Variants in PROSER1 observed in about 807,000 individuals in gnomAD.
The protein encoded by PROSER1 is proline and serine-rich protein 1.
Under a neutral mutation model 71.8 loss-of-function variants are expected in PROSER1, and 36 were observed. That is an observed-to-expected ratio of 0.50 (90% CI 0.38 to 0.66). PROSER1 has a LOEUF of 0.66. Among genes scored for constraint, PROSER1 ranks in the 30% least tolerant of loss-of-function variants. The probability of loss-of-function intolerance (pLI) is 0.00; values close to 1 mark genes in which losing one functional copy is unlikely to be tolerated. For synonymous variants in PROSER1, 490 were observed against 452.4 expected (o/e 1.08, Z -1.06); for missense variants, 1,107 against 1,135.0 (o/e 0.98, Z 0.35).
chr13:39,032,711 A>G (rs1313276620), intron 2 of PROSER1, among the ~76,000 whole-genome samples: 1 of 152,148 alleles, frequency 6.6e-6, no homozygotes, highest in African/African-American at 2.4e-5. Context: ...AATAAATGCT[A>G]TATTTTAACC....
chr13:39,030,872 G>A (rs904049908), intron 3 of PROSER1, among the ~76,000 whole-genome samples: 14 of 152,028 alleles, frequency 9.2e-5, no homozygotes, highest in Admixed American at 6.6e-4. Flanking sequence ...CAGTAAAAAA[G>A]CAAGTATTAA....
chr13:39,013,173 T>C lies in PROSER1; in HGVS notation c.2079A>G (p.Val693=), dbSNP rs148353981. Residue 693 remains valine (V), a synonymous_variant, in exon 11 of 13, where the codon GTA becomes GTG. Transcript: ENST00000352251. The part of the protein sequence containing the change: ...PHGSSTPIAP[V]FTALPSFTSL... ...AAGTAAAAGAAGGAAGAGCAGTGAA[T>C]ACTGGTGCAATGGGAGTGGAGGAAC... 2.4e-5 allele frequency: 39 copies of C among 1,613,846 alleles called. No homozygotes were observed. Among genetic ancestry groups the C allele is most frequent in the Middle Eastern group, 1.6e-4 (1 of 6,084 alleles).
Position 39,014,035 on chromosome 13 carries a change from A to G in PROSER1, c.1217T>C (p.Leu406Pro), listed in dbSNP as rs779495468. 8 of 1,614,130 alleles carry G rather than the reference A, an allele frequency of 5.0e-6. No individual in the cohort carries two copies. The East Asian group carries it at 1.8e-4, about 36-fold the overall frequency. Residue 406 changes from leucine (L) to proline (P), a missense_variant, in exon 11 of 13, where the codon CTC (leucine) becomes CCC (proline). Leu to Pro is a moderately conservative substitution (Grantham distance 98). Transcript: ENST00000352251. ...AGCAGAAGAGCTGGTGGAAAAGGGG[A>G]GGCTAGTGAAAGGTGCAGAAGTAGA... Reference protein sequence around the residue: ...FASTSAPFTSLPFSTSSSAAS... With the variant: ...FASTSAPFTSPPFSTSSSAAS...
At chr13:39,027,803 T>A (rs1482367770) in intron 5 of PROSER1, among the ~76,000 whole-genome samples, 1 of 152,240 alleles carries the variant, frequency 6.6e-6, no homozygotes, top group Non-Finnish European at 1.5e-5. Context: ...CTTACAGATT[T>A]TTAACTAATA....
At chr13:39,030,232 T>A (rs1870772365) in intron 3 of PROSER1, among the ~76,000 whole-genome samples, 1 of 152,218 alleles carries the variant, frequency 6.6e-6, no homozygotes, top group Non-Finnish European at 1.5e-5. Context: ...TTTTCTTAAA[T>A]ACATTTATAT....
chr13:39,035,697 C>G (rs1018357677), intron 1 of PROSER1, among the ~76,000 whole-genome samples: 2 of 152,088 alleles, frequency 1.3e-5, no homozygotes, highest in Non-Finnish European at 2.9e-5. Context: ...ACAGTAGTGA[C>G]AATCAGTATT....
chr13:39,013,342 C>T lies in PROSER1; in HGVS notation c.1910G>A (p.Gly637Glu). 3 of 1,614,142 alleles carry T rather than the reference C, an allele frequency of 1.9e-6. No homozygotes were observed. Among genetic ancestry groups the T allele is most frequent in the Non-Finnish European group, 2.5e-6 (3 of 1,180,024 alleles). ...TGAAGTATATGCACGGCCCAATGTC[C>T]CTGACAAACCTAAAGTGCCATGAGA... ...NPSHGTLGLS[G>E]TLGRAYTSTS... The change falls in exon 11 of 13, where the codon GGG (glycine) becomes GAG (glutamate). Residue 637 changes from glycine to glutamate, a missense_variant. By Grantham distance (98) the Gly-to-Glu change is moderately conservative. Transcript: ENST00000352251.
Position 39,029,293 on chromosome 13 carries a change from T to TC in PROSER1, c.262dup (p.Glu88GlyfsTer9). ...AAGAAATACTTACGAGGCTAACAGT[T>TC]CAAGAGCAACTAGTTTGTCTTTACT... On this transcript the variant is annotated frameshift_variant, in exon 4 of 13. Coordinates refer to ENST00000352251, the MANE Select transcript of PROSER1 (RefSeq NM_025138.5). LOFTEE classifies it high-confidence loss of function. 1 of 1,500,620 alleles carries TC rather than the reference T, an allele frequency of 6.7e-7. No individual in the cohort carries two copies. Among genetic ancestry groups the TC allele is most frequent in the Non-Finnish European group, 8.9e-7 (1 of 1,117,850 alleles). The allele number at this position is 1,500,620 out of a possible 1,614,324, so 93.0% of individuals were successfully genotyped here. A position where few individuals can be genotyped will look rare whatever the true frequency, so the allele number is the denominator to read the frequency against.
chr13:39,034,986 G>A (rs1481104341), intron 1 of PROSER1, among the ~76,000 whole-genome samples: 1 of 152,158 alleles, frequency 6.6e-6, no homozygotes, highest in Non-Finnish European at 1.5e-5. Flanking sequence ...GCAGCTATTT[G>A]CTCAGCTTAG....
At position 39,012,840 on chromosome 13, in the gene PROSER1, G is replaced by C; in HGVS notation, c.2412C>G (p.Pro804=). Residue 804 remains proline, a synonymous_variant, in exon 11 of 13, where the codon CCC becomes CCG. Coordinates refer to ENST00000352251, the MANE Select transcript of PROSER1 (RefSeq NM_025138.5). ...SNTPSVTPAL[P]SFPGLQAPST... Reference sequence around the variant, plus strand: ...AGGGCGCCTGCAGCCCCGGGAATGAGGGAAGAGCAGGGGTAACGCTTGGGG... The same window carrying C: ...AGGGCGCCTGCAGCCCCGGGAATGACGGAAGAGCAGGGGTAACGCTTGGGG... 6.2e-7 allele frequency: 1 copy of C among 1,614,162 alleles called. No homozygotes were observed.
chr13:39,034,168 G>A lies in PROSER1; in HGVS notation c.74C>T (p.Ala25Val). The stretch of plus-strand genomic sequence containing the variant: ...AAAGTATCCATGCACATATTCAATT[G>A]CTTTTAATTTGTATTCTGTCAAAAC... The part of the protein sequence containing the change: ...KAVLTEYKLK[A>V]IEYVHGYFSS... Residue 25 changes from alanine to valine, a missense_variant, in exon 2 of 13, where the codon GCA (alanine) becomes GTA (valine). Coordinates refer to ENST00000352251, the MANE Select transcript of PROSER1 (RefSeq NM_025138.5). The A allele has an allele frequency of 6.3e-7, 1 of 1,584,664 alleles. No homozygotes were observed. Among genetic ancestry groups the A allele is most frequent in the South Asian group, 1.2e-5 (1 of 85,058 alleles).
chr13:39,037,148 A>G, intron 1 of PROSER1, 50 bp downstream of exon 1: 1 of 1,371,696 alleles, frequency 7.3e-7, no homozygotes. Flanking sequence ...AGAGAGTCTA[A>G]AACACGAGAA....
chr13:39,030,823 C>T (rs186651416), intron 3 of PROSER1, among the ~76,000 whole-genome samples: 3 of 152,064 alleles, frequency 2.0e-5, no homozygotes, highest in Non-Finnish European at 4.4e-5. Context: ...ACATTTTCAC[C>T]CCCAGAGAAC....
chr13:39,035,311 T>C (rs1871045645), intron 1 of PROSER1, among the ~76,000 whole-genome samples: 1 of 152,116 alleles, frequency 6.6e-6, no homozygotes, highest in African/African-American at 2.4e-5. Flanking sequence ...TCTCAATTCT[T>C]CCATCAATGC....
At chr13:39,032,681 G>T (rs375444692) in intron 2 of PROSER1, among the ~76,000 whole-genome samples, 1 of 151,880 alleles carries the variant, frequency 6.6e-6, no homozygotes, top group African/African-American at 2.4e-5. Context: ...ACTTTGATGG[G>T]AATAATGTTC....
intron 3 of PROSER1, among the ~76,000 whole-genome samples, chr13:39,030,280 T>C (rs1166084810): frequency 6.6e-6 from 1 of 152,240 alleles, no homozygotes; most frequent in South Asian, 2.1e-4. Flanking sequence ...TTAGCTCATT[T>C]ATGGAAATAT....
In PROSER1 at chr13:39,037,193, A is replaced by C; in HGVS notation, c.45+5T>G. The C allele has an allele frequency of 6.3e-7, 1 of 1,589,560 alleles. No individual in the cohort carries two copies. The highest frequency in any genetic ancestry group is 2.2e-5 in the East Asian group (1 of 44,772). Reference sequence around the variant, plus strand: ...TAAAATAATTCATGGAATCGGTCTAATTACCTTTCTAATTTCATCCAGCAC... The same window carrying C: ...TAAAATAATTCATGGAATCGGTCTACTTACCTTTCTAATTTCATCCAGCAC... On this transcript the variant is annotated splice_donor_5th_base_variant and intron_variant, in intron 1 of 12. Coordinates refer to ENST00000352251, the MANE Select transcript of PROSER1 (RefSeq NM_025138.5).
chr13:39,024,383 G>C, intron 7 of PROSER1, 90 bp downstream of exon 7: 2 of 905,212 alleles, frequency 2.2e-6, no homozygotes, highest in South Asian at 3.1e-5. Context: ...TTCAAACTTT[G>C]CAACACAAAA....
Position 39,033,971 on chromosome 13 carries a change from T to A in PROSER1, c.111+160A>T, listed in dbSNP as rs141712554. ...GGAGAGGTGCTTAGTCCCTGAATTA[T>A]AAATTCTGTAGAGTTTTCTGCCAAA... On this transcript the variant is annotated intron_variant, in intron 2 of 12. Coordinates refer to ENST00000352251, the MANE Select transcript of PROSER1 (RefSeq NM_025138.5). Among the ~76,000 whole-genome samples the A allele has an allele frequency of 3.7e-3, 570 of 152,292 alleles. 4 individuals are homozygous for A. The highest frequency in any genetic ancestry group is 0.013 in the African/African-American group (559 of 41,564).
Sources: allele counts gnomAD v4.1 joint callset (sites outside exome capture counted in the v4.1 genomes callset), GRCh38; gene constraint gnomAD v4.1.1; transcripts MANE v1.5; gene names NCBI Gene and HGNC (gene_info 2026-07-23, HGNC 2026-07-21).